The following CDH13 variants were observed in gnomAD, a reference collection of about 807,000 sequenced individuals.
CDH13 encodes cadherin-13.
Under a neutral mutation model 63.8 loss-of-function variants are expected in CDH13, and 24 were observed. The observed-to-expected ratio is 0.38, with a 90% confidence interval of 0.27 to 0.53. The LOEUF (loss-of-function observed/expected upper bound fraction) is 0.53, where lower values mean the gene tolerates loss of function less well. Ranked by LOEUF, CDH13 falls within the 20% of genes least tolerant of loss-of-function variation. The pLI, the probability that CDH13 is intolerant of heterozygous loss-of-function variation, is 0.85. For missense variants in CDH13, 1,049 were observed against 903.1 expected (o/e 1.16, Z -2.07); for synonymous variants, 503 against 355.3 (o/e 1.42, Z -4.67).
chr16:83,319,281 C>A (rs1330516668), intron 5 of CDH13, among the ~76,000 whole-genome samples: 1 of 152,182 alleles, frequency 6.6e-6, no homozygotes, highest in Non-Finnish European at 1.5e-5. Context: ...AAATATTTGA[C>A]CTCTAGGATT....
At chr16:82,996,702 A>G (rs1567728076) in intron 2 of CDH13, among the ~76,000 whole-genome samples, 1 of 152,192 alleles carries the variant, frequency 6.6e-6, no homozygotes, top group Non-Finnish European at 1.5e-5. Context: ...TTAGAAAATC[A>G]TAATGAGAGT....
chr16:82,927,472 C>T (rs982821805), intron 2 of CDH13, among the ~76,000 whole-genome samples: 3 of 152,136 alleles, frequency 2.0e-5, no homozygotes, highest in Admixed American at 6.5e-5. Flanking sequence ...GGATACCTCA[C>T]GTGAGTAGAG....
intron 7 of CDH13, among the ~76,000 whole-genome samples, chr16:83,542,171 G>A (rs1021504025): frequency 1.3e-5 from 2 of 152,268 alleles, no homozygotes; most frequent in Middle Eastern, 3.4e-3. Flanking sequence ...TTCCTGCTGA[G>A]GTGCACATAC....
At chr16:82,816,030 G>T (rs28439454) in intron 1 of CDH13, among the ~76,000 whole-genome samples, 39,591 of 151,978 alleles carry the variant, frequency 0.26, 5,342 homozygotes, top group Admixed American at 0.3. Context: ...GGAAGCCTGG[G>T]TCTGATACAT....
chr16:83,759,958 G>T (rs1191734082), intron 11 of CDH13, among the ~76,000 whole-genome samples: 1 of 144,098 alleles, frequency 6.9e-6, no homozygotes, highest in Non-Finnish European at 1.5e-5. Context: ...AAAAAAGAAA[G>T]AAATCCTATA....
intron 13 of CDH13, among the ~76,000 whole-genome samples, chr16:83,789,211 C>G (rs1421435399): frequency 6.6e-6 from 1 of 152,112 alleles, no homozygotes; most frequent in Non-Finnish European, 1.5e-5. Flanking sequence ...ATCAAAGTGG[C>G]CGACCCACGT....
chr16:83,576,563 A>G (rs1458582716), intron 7 of CDH13, among the ~76,000 whole-genome samples: 1 of 152,238 alleles, frequency 6.6e-6, no homozygotes, highest in Non-Finnish European at 1.5e-5. Flanking sequence ...AGGAACCATC[A>G]TACTAGCACC....
chr16:83,426,542 CACTCAT>C (rs1364791841), intron 6 of CDH13, among the ~76,000 whole-genome samples: 1 of 151,012 alleles, frequency 6.6e-6, no homozygotes, highest in Non-Finnish European at 1.5e-5. Context: ...CACACACACA[CACTCAT>C]GTGGTTACCT....
intron 5 of CDH13, among the ~76,000 whole-genome samples, chr16:83,268,581 C>G (rs1337016384): frequency 6.6e-6 from 1 of 152,146 alleles, no homozygotes; most frequent in Non-Finnish European, 1.5e-5. Context: ...TAGACAAAGT[C>G]TACGTTTCTA....
intron 6 of CDH13, among the ~76,000 whole-genome samples, chr16:83,454,685 C>G (rs928649208): frequency 6.7e-6 from 1 of 150,058 alleles, no homozygotes; most frequent in Non-Finnish European, 1.5e-5. Flanking sequence ...TTTAAGAAAC[C>G]ATATGTAGAA....
intron 3 of CDH13, among the ~76,000 whole-genome samples, chr16:83,055,532 T>A (rs1049302200): frequency 6.6e-6 from 1 of 151,290 alleles, no homozygotes; most frequent in Non-Finnish European, 1.5e-5. Flanking sequence ...GTAAAATAAA[T>A]AAAAAATCAG....
chr16:83,485,698 C>A (rs563470587), intron 6 of CDH13, among the ~76,000 whole-genome samples: 2 of 152,124 alleles, frequency 1.3e-5, no homozygotes, highest in African/African-American at 4.8e-5. Flanking sequence ...TCATAATGCC[C>A]TCTCTCAGTG....
At position 83,534,524 on chromosome 16, in the gene CDH13, A is replaced by C. The variant is rs187195415; in HGVS notation, c.960+47869A>C. 4.3e-3 allele frequency among the ~76,000 whole-genome samples: 654 copies of C among 152,334 alleles called. 5 individuals carry two copies. Among genetic ancestry groups the C allele is most frequent in the African/African-American group, 0.015 (627 of 41,580 alleles). Reference sequence around the variant, plus strand: ...CTCTTCCTGGCTAGCACCTATGTGAAATGAATGTACATGGCTTGACTCAGG... The same window carrying C: ...CTCTTCCTGGCTAGCACCTATGTGACATGAATGTACATGGCTTGACTCAGG... On this transcript the variant is annotated intron_variant, in intron 7 of 13. Coordinates refer to ENST00000567109, the MANE Select transcript of CDH13 (RefSeq NM_001257.5).
rs533101156 is a variant in CDH13, at chr16:82,864,467, G to T, written c.157+5994G>T. On this transcript the variant is annotated intron_variant, in intron 2 of 13. Transcript: ENST00000567109. ...TACAATCATGGCAGAAGGTGAAGAG[G>T]AAGCAAGGCACCTTCTTCAGAAGGT... Among the ~76,000 whole-genome samples, 25 of 152,248 alleles carry T rather than the reference G, an allele frequency of 1.6e-4. No individual in the cohort carries two copies. In the South Asian group the frequency reaches 4.4e-3, roughly 27 times the overall value.
chr16:83,093,023 T>C (rs553579096), intron 3 of CDH13, among the ~76,000 whole-genome samples: 2 of 152,342 alleles, frequency 1.3e-5, no homozygotes, highest in East Asian at 3.9e-4. Context: ...ACAGAGATGG[T>C]TATAAAATAC....
At chr16:83,683,060 T>A (rs1915538033) in intron 10 of CDH13, among the ~76,000 whole-genome samples, 1 of 152,214 alleles carries the variant, frequency 6.6e-6, no homozygotes, top group East Asian at 1.9e-4. Context: ...CCAGACACCC[T>A]TTCATCTCCC....
intron 2 of CDH13, among the ~76,000 whole-genome samples, chr16:82,967,875 A>C (rs1165334315): frequency 6.6e-6 from 1 of 152,178 alleles, no homozygotes; most frequent in African/African-American, 2.4e-5. Flanking sequence ...TGTAACTAAC[A>C]AGGGTCTTGG....
intron 2 of CDH13, among the ~76,000 whole-genome samples, chr16:82,892,633 A>G (rs575331826): frequency 5.7e-4 from 87 of 152,354 alleles, no homozygotes; most frequent in African/African-American, 2.0e-3. Context: ...TTTGGGATGG[A>G]TCTAAGAAGT....
At chr16:82,901,448 A>G (rs1033215697) in intron 2 of CDH13, among the ~76,000 whole-genome samples, 3 of 151,026 alleles carry the variant, frequency 2.0e-5, no homozygotes, top group Non-Finnish European at 4.4e-5. Flanking sequence ...AGACCTGACA[A>G]AGATGGTGGG....
Sources: allele counts gnomAD v4.1 joint callset (sites outside exome capture counted in the v4.1 genomes callset), GRCh38; gene constraint gnomAD v4.1.1; transcripts MANE v1.5; gene names NCBI Gene and HGNC (gene_info 2026-07-23, HGNC 2026-07-21).